The following PLA2G6 variants were observed in gnomAD, a reference collection of about 807,000 sequenced individuals.
PLA2G6 encodes 85/88 kDa calcium-independent phospholipase A2.
PLA2G6 carries 62 observed loss-of-function variants against 83.8 expected under a neutral mutation model. The ratio of observed to expected loss-of-function variants is 0.74; its 90% confidence interval spans 0.60 to 0.91. The LOEUF is 0.91. Among genes scored for constraint, PLA2G6 ranks in the 40% least tolerant of loss-of-function variants. The pLI is 0.00. For synonymous variants in PLA2G6, 417 were observed against 449.8 expected (o/e 0.93, Z 0.92); for missense variants, 944 against 1,102.0 (o/e 0.86, Z 2.03).
chr22:38,133,282 C>T, intron 6 of PLA2G6: 1 of 555,386 alleles, frequency 1.8e-6, no homozygotes, highest in Non-Finnish European at 3.2e-6. Context: ...GCCAACAGAA[C>T]CCACTCTCCT....
intron 7 of PLA2G6, chr22:38,131,901 A>T (rs1051016051): frequency 9.1e-6 from 3 of 331,052 alleles, no homozygotes; most frequent in Non-Finnish European, 1.8e-5. Flanking sequence ...AGCCTGGCCA[A>T]CACAGGAGTT....
intron 2 of PLA2G6, among the ~76,000 whole-genome samples, chr22:38,164,551 C>G (rs925917990): frequency 1.3e-5 from 2 of 152,186 alleles, no homozygotes; most frequent in African/African-American, 4.8e-5. Context: ...TCAGCAGGGT[C>G]CAGTCTCTCC....
At chr22:38,135,228 A>G (rs557884910) in intron 5 of PLA2G6, 144 bp from the exon 6 acceptor site, 343 of 678,278 alleles carry the variant, frequency 5.1e-4, no homozygotes, top group Non-Finnish European at 7.6e-4. Flanking sequence ...CACACTCACC[A>G]TGGTTAAGGC....
chr22:38,149,724 C>A (rs132939), intron 2 of PLA2G6: 14,296 of 152,218 alleles, frequency 0.094, 772 homozygotes, highest in East Asian at 0.15. Flanking sequence ...GGGTGGATCA[C>A]CTGAGGTCAG....
intron 1 of PLA2G6, among the ~76,000 whole-genome samples, chr22:38,173,528 G>A (rs2090517137): frequency 6.6e-6 from 1 of 152,126 alleles, no homozygotes; most frequent in South Asian, 2.1e-4. Context: ...CCCCTGCTGA[G>A]GGAAGCCAGA....
Position 38,169,352 on chromosome 22 carries a change from C to A in PLA2G6, c.75G>T (p.Lys25Asn), listed in dbSNP as rs1328015728. 2 of 1,614,224 alleles carry A rather than the reference C, an allele frequency of 1.2e-6. No individual in the cohort carries two copies. The highest frequency in any genetic ancestry group is 3.3e-5 in the Admixed American group (2 of 60,026). Residue 25 changes from lysine (K) to asparagine (N), a missense_variant, in exon 2 of 17, where the codon AAG becomes AAT. Lys to Asn is a moderately conservative substitution (Grantham distance 94, BLOSUM62 0). Coordinates refer to ENST00000332509, the MANE Select transcript of PLA2G6 (RefSeq NM_003560.4). ...TNLFSNPFRV[K>N]EVAVADYTSS... ...AGGTGTAGTCGGCCACAGCCACCTCCTTCACCCGGAATGGGTTAGAGAACA... is the reference window on the plus strand; with the variant it reads ...AGGTGTAGTCGGCCACAGCCACCTCATTCACCCGGAATGGGTTAGAGAACA...
At chr22:38,168,337 C>T (rs1272533042) in intron 2 of PLA2G6, among the ~76,000 whole-genome samples, 2 of 152,240 alleles carry the variant, frequency 1.3e-5, no homozygotes, top group Non-Finnish European at 2.9e-5. Flanking sequence ...AGATGCCAGT[C>T]TGCCAAGCAC....
intron 16 of PLA2G6, 99 bp from the exon 17 acceptor site, chr22:38,112,404 T>C (rs924915026): frequency 1.0e-5 from 16 of 1,527,386 alleles, no homozygotes; most frequent in Non-Finnish European, 1.3e-5. Flanking sequence ...GAGCAGACCC[T>C]TGGGGAAGGG....
At chr22:38,143,390 T>C in intron 3 of PLA2G6, 102 bp from the exon 4 acceptor site, 1 of 1,140,906 alleles carries the variant, frequency 8.8e-7, no homozygotes, top group Admixed American at 1.7e-5. Context: ...AAACTCGGAC[T>C]TTCTGGTTTA....
chr22:38,128,039 A>G lies in PLA2G6; in HGVS notation c.1348+230T>C. On this transcript the variant is annotated intron_variant, in intron 9 of 16. Transcript: ENST00000332509. The surrounding 1 kb of genome is among the most constrained non-coding windows in gnomAD (Gnocchi z 4.4). ...AATGCCCAGGCCTGAGACTGTGTGC[A>G]GGACACATCCTCTCAGGGGCAACGG... is the stretch of plus-strand genomic sequence containing the variant. 1.7e-6 allele frequency: 1 copy of G among 578,904 alleles called. No homozygotes were observed. The highest frequency in any genetic ancestry group is 3.0e-5 in the Admixed American group (1 of 33,314). The allele number at this position is 578,904 out of a possible 1,614,324, so 35.9% of individuals were successfully genotyped here.
chr22:38,167,227 CAA>C (rs132983), intron 2 of PLA2G6, among the ~76,000 whole-genome samples: 13 of 107,578 alleles, frequency 1.2e-4, no homozygotes, highest in Admixed American at 1.9e-4. Flanking sequence ...GACTCTGTCT[CAA>C]AAAAAAAAAA....
chr22:38,120,853 G>C lies in PLA2G6; in HGVS notation c.1648C>G (p.Arg550Gly). Residue 550 changes from arginine (R) to glycine (G), a missense_variant, in exon 12 of 17, where the codon CGG (arginine) becomes GGG (glycine). Coordinates refer to ENST00000332509, the MANE Select transcript of PLA2G6 (RefSeq NM_003560.4). ...MYFRMKDEVF[R>G]GSRPYESGPL... Reference sequence around the variant, plus strand: ...CCCGACTCGTAGGGCCTGGAGCCCCGGAACACCTCATCCTTCATGCGAAAG... The same window carrying C: ...CCCGACTCGTAGGGCCTGGAGCCCCCGAACACCTCATCCTTCATGCGAAAG... The C allele has an allele frequency of 2.5e-6, 4 of 1,613,904 alleles. No homozygotes were observed. Among genetic ancestry groups the C allele is most frequent in the Non-Finnish European group, 3.4e-6 (4 of 1,180,026 alleles).
chr22:38,133,091 T>A (rs1464878867), intron 6 of PLA2G6, 78 bp from the exon 7 acceptor site: 1 of 1,367,682 alleles, frequency 7.3e-7, no homozygotes, highest in Admixed American at 2.0e-5. Context: ...GCACTGCCAC[T>A]TCTGCTCTGA....
chr22:38,171,665 A>T (rs529908049), intron 1 of PLA2G6, among the ~76,000 whole-genome samples: 2 of 151,908 alleles, frequency 1.3e-5, no homozygotes, highest in South Asian at 2.1e-4. Context: ...CTAAAAATAT[A>T]AAAAAATTAG....
chr22:38,164,847 C>G (rs888148643), intron 2 of PLA2G6, among the ~76,000 whole-genome samples: 1 of 152,174 alleles, frequency 6.6e-6, no homozygotes, highest in Non-Finnish European at 1.5e-5. Flanking sequence ...AGAGGCAAGT[C>G]CAGTGCACCA....
intron 11 of PLA2G6, among the ~76,000 whole-genome samples, chr22:38,122,883 C>T (rs1461646359): frequency 2.0e-5 from 3 of 152,188 alleles, no homozygotes; most frequent in Non-Finnish European, 4.4e-5. Flanking sequence ...GGCCAGAGGG[C>T]GGGGGATCCC....
intron 5 of PLA2G6, chr22:38,135,368 C>T (rs1236752196): frequency 2.3e-6 from 1 of 430,080 alleles, no homozygotes; most frequent in African/African-American, 2.0e-5. Context: ...GCCCCAGCTT[C>T]CTCACTGGTG....
At chr22:38,125,152 G>A (rs543485913) in intron 10 of PLA2G6, among the ~76,000 whole-genome samples, 2 of 152,348 alleles carry the variant, frequency 1.3e-5, no homozygotes, top group African/African-American at 4.8e-5. Context: ...GCATGTGTGT[G>A]GGTGTCCATG....
At chr22:38,148,318 C>T in intron 2 of PLA2G6, 1 of 572,688 alleles carries the variant, frequency 1.7e-6, no homozygotes, top group Non-Finnish European at 3.1e-6. Flanking sequence ...TGTAATCAGG[C>T]ATTTGAATGC....
Sources: allele counts gnomAD v4.1 joint callset (sites outside exome capture counted in the v4.1 genomes callset), GRCh38; gene constraint gnomAD v4.1.1; non-coding constraint Gnocchi (gnomAD v3.1); transcripts MANE v1.5; gene names NCBI Gene and HGNC (gene_info 2026-07-23, HGNC 2026-07-21).